ULK4: variants seen among roughly 807,000 people sequenced by gnomAD.
The protein encoded by ULK4 is unc-51 like kinase 4.
Under a neutral mutation model 160.6 loss-of-function variants are expected in ULK4, and 133 were observed. The ratio of observed to expected loss-of-function variants is 0.83; its 90% CI spans 0.72 to 0.96. ULK4 has a LOEUF of 0.96. Ranked by LOEUF, ULK4 falls within the 40% of genes least tolerant of loss-of-function variation. ULK4 has a pLI of 0.00. For missense variants in ULK4, 1,580 were observed against 1,499.5 expected (o/e 1.05, Z -0.89); for synonymous variants, 534 against 539.8 (o/e 0.99, Z 0.15).
At chr3:41,913,589 A>G (rs1698870418) in intron 8 of ULK4, among the ~76,000 whole-genome samples, 1 of 152,202 alleles carries the variant, frequency 6.6e-6, no homozygotes, top group Non-Finnish European at 1.5e-5. Context: ...ATTTCACAAC[A>G]GAGGCAAGAT....
intron 34 of ULK4, among the ~76,000 whole-genome samples, chr3:41,447,168 G>A (rs146163009): frequency 2.0e-5 from 3 of 149,338 alleles, no homozygotes; most frequent in East Asian, 4.0e-4. Flanking sequence ...CATGACCCAC[G>A]TTTCACAGTT....
chr3:41,506,198 C>G (rs563042411), intron 32 of ULK4, among the ~76,000 whole-genome samples: 19 of 152,140 alleles, frequency 1.2e-4, no homozygotes, highest in Non-Finnish European at 2.5e-4. Flanking sequence ...TTCTACTCTG[C>G]TAGCACTCAC....
intron 17 of ULK4, among the ~76,000 whole-genome samples, chr3:41,873,180 T>C (rs1697166934): frequency 6.6e-6 from 1 of 151,780 alleles, no homozygotes; most frequent in South Asian, 2.1e-4. Context: ...ACAAACTAAC[T>C]TGTTATCTCT....
chr3:41,350,421 T>C (rs1367282569), intron 35 of ULK4, among the ~76,000 whole-genome samples: 2 of 152,198 alleles, frequency 1.3e-5, no homozygotes, highest in Non-Finnish European at 2.9e-5. Flanking sequence ...TATAAAGAAT[T>C]ATATATCTTT....
At chr3:41,934,033 G>C (rs1699682399) in intron 4 of ULK4, among the ~76,000 whole-genome samples, 1 of 151,940 alleles carries the variant, frequency 6.6e-6, no homozygotes, top group Non-Finnish European at 1.5e-5. Context: ...GTGAAACTGT[G>C]TCTCAAAAAA....
intron 35 of ULK4, among the ~76,000 whole-genome samples, chr3:41,363,002 C>T (rs900071422): frequency 1.3e-5 from 2 of 152,234 alleles, no homozygotes; most frequent in African/African-American, 4.8e-5. Context: ...CGCCAGCAGG[C>T]TGGCTATTCT....
At chr3:41,693,993 A>C (rs2036400786) in intron 27 of ULK4, among the ~76,000 whole-genome samples, 1 of 152,192 alleles carries the variant, frequency 6.6e-6, no homozygotes, top group Non-Finnish European at 1.5e-5. Context: ...TGGAGATGAC[A>C]AGAGGTTGGG....
At chr3:41,685,899 G>C (rs116925095) in intron 27 of ULK4, among the ~76,000 whole-genome samples, 1 of 151,726 alleles carries the variant, frequency 6.6e-6, no homozygotes, top group African/African-American at 2.4e-5. Flanking sequence ...CAAGGACCAT[G>C]GTCAGTAACA....
intron 31 of ULK4, among the ~76,000 whole-genome samples, chr3:41,575,848 A>G (rs766918547): frequency 1.0e-5 from 1 of 97,354 alleles, no homozygotes; most frequent in Non-Finnish European, 2.2e-5. Context: ...CATGTTATTT[A>G]GGCTTTAGCA....
At chr3:41,905,359 G>A (rs1698515202) in intron 12 of ULK4, among the ~76,000 whole-genome samples, 1 of 152,122 alleles carries the variant, frequency 6.6e-6, no homozygotes, top group Non-Finnish European at 1.5e-5. Flanking sequence ...AAATCTAAGA[G>A]ATACTAATAA....
At chr3:41,394,437 C>T (rs1448149116) in intron 35 of ULK4, among the ~76,000 whole-genome samples, 6 of 152,114 alleles carry the variant, frequency 3.9e-5, no homozygotes, top group Non-Finnish European at 8.8e-5. Context: ...ATTTAGTACA[C>T]CTAACCTGCC....
At chr3:41,336,387 T>G (rs543524856) in intron 35 of ULK4, among the ~76,000 whole-genome samples, 1 of 152,318 alleles carries the variant, frequency 6.6e-6, no homozygotes, top group Non-Finnish European at 1.5e-5. Flanking sequence ...TGAAACACTC[T>G]TCAATGTTAC....
chr3:41,388,155 G>C (rs1019012889), intron 35 of ULK4, among the ~76,000 whole-genome samples: 1 of 152,058 alleles, frequency 6.6e-6, no homozygotes, highest in Non-Finnish European at 1.5e-5. Context: ...TGTGTGTTTT[G>C]GCTGCATAAA....
intron 34 of ULK4, among the ~76,000 whole-genome samples, chr3:41,447,510 AAAGT>A (rs2083327942): frequency 6.6e-6 from 1 of 152,202 alleles, no homozygotes; most frequent in Non-Finnish European, 1.5e-5. Flanking sequence ...AAAGGCATAA[AAAGT>A]AATGGGAGAA....
intron 18 of ULK4, among the ~76,000 whole-genome samples, chr3:41,829,434 T>A (rs1559588433): frequency 1.5e-5 from 2 of 137,630 alleles, no homozygotes; most frequent in South Asian, 2.2e-4. Flanking sequence ...TACAATGAAC[T>A]CAAATTTACA....
Position 41,705,167 on chromosome 3 carries a change from A to G in ULK4, c.2687-16T>C, listed in dbSNP as rs2036828564. On this transcript the variant is annotated splice_polypyrimidine_tract_variant and intron_variant, in intron 26 of 36. Transcript: ENST00000301831. ...GCTGTCAGTCCTAGAAATACAGTTAATTATTATAGGTGTTTATTTACATGT... is the reference window on the plus strand; with the variant it reads ...GCTGTCAGTCCTAGAAATACAGTTAGTTATTATAGGTGTTTATTTACATGT... 1 of 1,608,788 alleles carries G rather than the reference A, an allele frequency of 6.2e-7. No homozygotes were observed. The highest frequency in any genetic ancestry group is 2.2e-5 in the East Asian group (1 of 44,852).
intron 17 of ULK4, among the ~76,000 whole-genome samples, chr3:41,839,560 G>A (rs1039897321): frequency 2.0e-5 from 3 of 151,184 alleles, no homozygotes; most frequent in African/African-American, 7.3e-5. Context: ...ACGAACAACT[G>A]TATATATATA....
chr3:41,761,429 C>T (rs2038981471), intron 21 of ULK4, among the ~76,000 whole-genome samples: 1 of 149,702 alleles, frequency 6.7e-6, no homozygotes, highest in Non-Finnish European at 1.5e-5. Context: ...CTACCATTCA[C>T]AACAATGTAT....
intron 35 of ULK4, among the ~76,000 whole-genome samples, chr3:41,387,762 C>A (rs370725965): frequency 1.3e-4 from 20 of 152,284 alleles, no homozygotes; most frequent in Middle Eastern, 3.4e-3. Context: ...TTTTCTTAAT[C>A]CAGTCTATCA....
Sources: allele counts gnomAD v4.1 joint callset (sites outside exome capture counted in the v4.1 genomes callset), GRCh38; gene constraint gnomAD v4.1.1; transcripts MANE v1.5; gene names NCBI Gene and HGNC (gene_info 2026-07-23, HGNC 2026-07-21).